ZBTB40: variants seen among roughly 807,000 people sequenced by gnomAD.
The protein encoded by ZBTB40 is zinc finger and BTB domain containing 40.
ZBTB40 carries 60 observed loss-of-function variants against 117.5 expected under a neutral mutation model. That is an observed-to-expected ratio of 0.51 (90% CI 0.41 to 0.63). The LOEUF is 0.63. Ranked by LOEUF, ZBTB40 falls within the 30% of genes least tolerant of loss-of-function variation. The pLI, the probability that ZBTB40 is intolerant of heterozygous loss-of-function variation, is 0.00. For missense variants in ZBTB40, 1,287 were observed against 1,498.5 expected (o/e 0.86, Z 2.33); for synonymous variants, 525 against 577.1 (o/e 0.91, Z 1.29).
intron 1 of ZBTB40, among the ~76,000 whole-genome samples, chr1:22,472,079 G>T (rs1641420938): frequency 6.6e-6 from 1 of 152,184 alleles, no homozygotes; most frequent in Admixed American, 6.5e-5. Flanking sequence ...GGATTGTTTG[G>T]GCAGGGGACC....
chr1:22,490,185 C>T lies in ZBTB40; in HGVS notation c.237C>T (p.Tyr79=), dbSNP rs1039408323. 3 of 1,614,162 alleles carry T rather than the reference C, an allele frequency of 1.9e-6. No individual in the cohort carries two copies. Among genetic ancestry groups the T allele is most frequent in the East Asian group, 2.2e-5 (1 of 44,888 alleles). ...TTGCGCTCTTGTTGGAAATGATGTA[C>T]ACGGGCAAACTACCTGTGGGCAAGC... The part of the protein sequence containing the change: ...EEFALLLEMM[Y]TGKLPVGKHN... Residue 79 remains tyrosine, a synonymous_variant, in exon 2 of 18, where the codon TAC becomes TAT. Transcript: ENST00000375647.
At chr1:22,463,231 C>CT (rs1325366694) in intron 1 of ZBTB40, among the ~76,000 whole-genome samples, 1 of 152,148 alleles carries the variant, frequency 6.6e-6, no homozygotes, top group Non-Finnish European at 1.5e-5. Flanking sequence ...CGCGCCACAC[C>CT]TTTACTGTAG....
intron 1 of ZBTB40, among the ~76,000 whole-genome samples, chr1:22,474,649 T>C (rs745508975): frequency 2.0e-5 from 3 of 152,184 alleles, no homozygotes; most frequent in Non-Finnish European, 4.4e-5. Flanking sequence ...TTCACCTGAC[T>C]CTGGTTGTTT....
intron 17 of ZBTB40, among the ~76,000 whole-genome samples, chr1:22,525,612 G>A (rs1201080785): frequency 1.3e-5 from 2 of 152,238 alleles, no homozygotes; most frequent in African/African-American, 4.8e-5. Context: ...AGATTTGGAA[G>A]GGACATAGGT....
At chr1:22,521,876 C>T (rs1156522624) in intron 15 of ZBTB40, among the ~76,000 whole-genome samples, 1 of 152,168 alleles carries the variant, frequency 6.6e-6, no homozygotes, top group Admixed American at 6.5e-5. Context: ...GTGTAAGCTC[C>T]CACCAGCCCT....
intron 1 of ZBTB40, among the ~76,000 whole-genome samples, chr1:22,436,505 TC>T (rs1640672845): frequency 1.3e-5 from 2 of 151,880 alleles, no homozygotes; most frequent in South Asian, 4.2e-4. Context: ...AGAGTGAAAC[TC>T]CATCTCAAAA....
chr1:22,519,768 T>TCGCC, intron 13 of ZBTB40: 11 of 439,430 alleles, frequency 2.5e-5, no homozygotes, highest in South Asian at 4.3e-5. Flanking sequence ...AGTGATAAAG[T>TCGCC]GTAATTTAAC....
rs1424157086 is a variant in ZBTB40 at position 22,526,313 on chromosome 1, C to A, written c.3637C>A (p.Gln1213Lys). 1 of 1,614,102 alleles carries A rather than the reference C, an allele frequency of 6.2e-7. No individual in the cohort carries two copies. The highest frequency in any genetic ancestry group is 2.2e-5 in the East Asian group (1 of 44,880). Residue 1213 changes from glutamine (Q) to lysine (K), a missense_variant, in exon 18 of 18, where the codon CAG becomes AAG. Gln to Lys is a moderately conservative substitution (Grantham distance 53). Coordinates refer to ENST00000375647, the MANE Select transcript of ZBTB40 (RefSeq NM_014870.4). ...GACGTTGCCAGATTCTCAGGCATCT[C>A]AGGCCAGCTCTGAGCTCGTGGCGGT... ...FVTLPDSQAS[Q>K]ASSELVAVTV...
intron 1 of ZBTB40, among the ~76,000 whole-genome samples, chr1:22,481,512 C>G (rs1638316611): frequency 6.6e-6 from 1 of 151,748 alleles, no homozygotes; most frequent in Non-Finnish European, 1.5e-5. Flanking sequence ...TTCTTTTTCT[C>G]TTCTTATTTA....
chr1:22,474,665 C>G (rs1569804548), intron 1 of ZBTB40, among the ~76,000 whole-genome samples: 1 of 152,262 alleles, frequency 6.6e-6, no homozygotes, highest in Middle Eastern at 3.4e-3. Flanking sequence ...TGTTTGTGAG[C>G]TGCTAAGTAG....
At chr1:22,522,988 C>A (rs545319552) in intron 16 of ZBTB40, among the ~76,000 whole-genome samples, 2 of 134,650 alleles carry the variant, frequency 1.5e-5, no homozygotes, top group Non-Finnish European at 3.1e-5. Context: ...CACTCTGTCA[C>A]CCAGGCTGGA....
At chr1:22,524,876 A>T (rs914564559) in intron 17 of ZBTB40, among the ~76,000 whole-genome samples, 7 of 152,178 alleles carry the variant, frequency 4.6e-5, no homozygotes, top group Non-Finnish European at 1.0e-4. Context: ...TGGGCAAAAA[A>T]ACCACCTCTT....
intron 1 of ZBTB40, among the ~76,000 whole-genome samples, chr1:22,487,050 A>G (rs1638491431): frequency 6.6e-6 from 1 of 152,026 alleles, no homozygotes. Flanking sequence ...TTTTTGTTCA[A>G]TAAGTTGTGA....
At chr1:22,507,653 A>G (rs1355479868) in intron 6 of ZBTB40, among the ~76,000 whole-genome samples, 1 of 152,178 alleles carries the variant, frequency 6.6e-6, no homozygotes, top group African/African-American at 2.4e-5. Flanking sequence ...GGATCGCCAC[A>G]CGGATCCTCT....
At chr1:22,468,127 G>A (rs115931312) in intron 1 of ZBTB40, among the ~76,000 whole-genome samples, 4,167 of 151,406 alleles carry the variant, frequency 0.028, 224 homozygotes, top group African/African-American at 0.096. Context: ...TACTTATTGA[G>A]CATTTACTGT....
chr1:22,488,109 T>C (rs762380449), intron 1 of ZBTB40, among the ~76,000 whole-genome samples: 3 of 152,208 alleles, frequency 2.0e-5, no homozygotes, highest in Non-Finnish European at 4.4e-5. Flanking sequence ...AGCTTTACTC[T>C]AACTCCTGGA....
chr1:22,457,790 G>T (rs751255073), intron 1 of ZBTB40, among the ~76,000 whole-genome samples: 57 of 152,208 alleles, frequency 3.7e-4, no homozygotes, highest in Non-Finnish European at 6.9e-4. Flanking sequence ...AGAAAATACT[G>T]TAAGAGGTAA....
chr1:22,465,702 TG>T (rs1306895879), intron 1 of ZBTB40, among the ~76,000 whole-genome samples: 1 of 151,990 alleles, frequency 6.6e-6, no homozygotes, highest in Non-Finnish European at 1.5e-5. Context: ...CCTGTGAGGG[TG>T]GGGCCTTCCC....
At chr1:22,510,831 A>T (rs1445489884) in intron 9 of ZBTB40, among the ~76,000 whole-genome samples, 1 of 152,238 alleles carries the variant, frequency 6.6e-6, no homozygotes, top group Non-Finnish European at 1.5e-5. Flanking sequence ...ACCAAATCCT[A>T]TAGCTTTTCA....
Sources: allele counts gnomAD v4.1 joint callset (sites outside exome capture counted in the v4.1 genomes callset), GRCh38; gene constraint gnomAD v4.1.1; transcripts MANE v1.5; gene names NCBI Gene and HGNC (gene_info 2026-07-23, HGNC 2026-07-21).